SFTPD: variants seen among roughly 807,000 people sequenced by gnomAD.
SFTPD encodes pulmonary surfactant-associated protein D.
Under a neutral mutation model 34.6 loss-of-function variants are expected in SFTPD, and 18 were observed. That is an observed-to-expected ratio of 0.52 (90% confidence interval 0.36 to 0.77). SFTPD has a LOEUF of 0.77. Ranked by LOEUF, SFTPD falls within the 30% of genes least tolerant of loss-of-function variation. The pLI is 0.00. For missense variants in SFTPD, 433 were observed against 468.9 expected (o/e 0.92, Z 0.71); for synonymous variants, 155 against 180.9 (o/e 0.86, Z 1.15).
intron 2 of SFTPD, 55 bp from the exon 3 acceptor site, chr10:79,942,934 G>A (rs997087463): frequency 8.9e-7 from 1 of 1,123,768 alleles, no homozygotes; most frequent in Non-Finnish European, 1.4e-6. Flanking sequence ...GAAAGGGCCA[G>A]CCTCCTGCAG....
Position 79,955,449 on chromosome 10 carries a change from AAAACAAACAAAC to A in SFTPD, c.37-8799_37-8788del, listed in dbSNP as rs571260122. Among the ~76,000 whole-genome samples the A allele has an allele frequency of 2.6e-4, 39 of 152,276 alleles. No homozygotes were observed. The East Asian group carries it at 5.6e-3, about 22-fold the overall frequency. On this transcript the variant is annotated intron_variant, in intron 1 of 5. Coordinates refer to the SFTPD transcript ENST00000444384. Reference sequence around the variant, plus strand: ...TAGGGATCCTGAAGTAAAACAAAACAAAACAAACAAACAAACAAACAAAGAAAACCCTGCCAT... The same window carrying A: ...TAGGGATCCTGAAGTAAAACAAAACAAAACAAACAAAGAAAACCCTGCCAT...
Position 79,942,455 on chromosome 10 carries a change from G to C in SFTPD, c.366C>G (p.Pro122=). Reference sequence around the variant, plus strand: ...GTCCTATGTTCCCCTGCTTCCCCAGGGGACCTTCTCTTCCAGCTGGACCAG... The same window carrying C: ...GTCCTATGTTCCCCTGCTTCCCCAGCGGACCTTCTCTTCCAGCTGGACCAG... ...GVPGPAGREG[P]LGKQGNIGPQ... Residue 122 remains proline (P), a synonymous_variant, in exon 4 of 8, where the codon CCC becomes CCG. Coordinates refer to ENST00000372292, the MANE Select transcript of SFTPD (RefSeq NM_003019.5). The C allele has an allele frequency of 6.2e-7, 1 of 1,613,614 alleles. No individual in the cohort carries two copies. Among genetic ancestry groups the C allele is most frequent in the South Asian group, 1.1e-5 (1 of 91,078 alleles).
chr10:79,965,130 A>C (rs1842796331), intron 1 of SFTPD, among the ~76,000 whole-genome samples: 1 of 152,116 alleles, frequency 6.6e-6, no homozygotes, highest in Non-Finnish European at 1.5e-5. Flanking sequence ...CCAACTTAAA[A>C]AGGAGGACTC....
chr10:79,944,165 C>T (rs1409304082), intron 2 of SFTPD, among the ~76,000 whole-genome samples: 1 of 152,216 alleles, frequency 6.6e-6, no homozygotes, highest in Non-Finnish European at 1.5e-5. Context: ...ATTCCTCCAC[C>T]CCTTCCAGCT....
chr10:79,960,500 A>G (rs1564533565), intron 1 of SFTPD, among the ~76,000 whole-genome samples: 1 of 148,636 alleles, frequency 6.7e-6, no homozygotes, highest in Non-Finnish European at 1.5e-5. Context: ...ATACACCAAT[A>G]ACAGACAAAC....
rs1270443236 is a variant in SFTPD at position 79,938,154 on chromosome 10, C to T, written c.826G>A (p.Glu276Lys). The T allele has an allele frequency of 6.2e-7, 1 of 1,610,666 alleles. No individual in the cohort carries two copies. The highest frequency in any genetic ancestry group is 1.7e-5 in the Admixed American group (1 of 59,962). ...GCCTGTGTGCACAGCAGCTGTGCCTCCGTAAATGGTTTTACAAAGCCTGCT... is the reference window on the plus strand; with the variant it reads ...GCCTGTGTGCACAGCAGCTGTGCCTTCGTAAATGGTTTTACAAAGCCTGCT... ...KTAGFVKPFTEAQLLCTQAGG... is the reference protein window; with the variant it reads ...KTAGFVKPFTKAQLLCTQAGG... The change falls in exon 8 of 8, where the codon GAG becomes AAG. Residue 276 changes from glutamate (E) to lysine (K), a missense_variant. Physicochemically the swap from Glu to Lys is moderately conservative, Grantham distance 56. Transcript: ENST00000372292.
Position 79,937,752 on chromosome 10 carries a change from A to G in SFTPD, c.*100T>C. On this transcript the variant is annotated 3_prime_UTR_variant, in exon 8 of 8. Transcript: ENST00000372292. ...TGGAGAGAAGTCCTTCCCGGCACAGATGGTCACCTTTTTATTAGGATATTG... is the reference window on the plus strand; with the variant it reads ...TGGAGAGAAGTCCTTCCCGGCACAGGTGGTCACCTTTTTATTAGGATATTG... 7.7e-7 allele frequency: 1 copy of G among 1,300,116 alleles called. No homozygotes were observed. The highest frequency in any genetic ancestry group is 1.0e-6 in the Non-Finnish European group (1 of 956,736). 80.5% of individuals were successfully genotyped at this position (1,300,116 alleles called of 1,614,324 possible).
chr10:79,945,062 A>G (rs1440042795), intron 2 of SFTPD, among the ~76,000 whole-genome samples: 5 of 152,008 alleles, frequency 3.3e-5, no homozygotes, highest in Non-Finnish European at 7.4e-5. Flanking sequence ...GCCAGAGTGG[A>G]GCCTCATCCT....
intron 1 of SFTPD, among the ~76,000 whole-genome samples, chr10:79,978,891 G>C (rs1842876702): frequency 7.1e-6 from 1 of 139,978 alleles, no homozygotes; most frequent in South Asian, 2.1e-4. Context: ...CCAAATGAAA[G>C]AAAGAAAGAA....
rs185856848 is a variant in SFTPD at position 79,966,933 on chromosome 10, T to G, written c.36+15642A>C. On this transcript the variant is annotated intron_variant, in intron 1 of 5. Transcript: ENST00000444384. ...CTCTCACTGCTCCTATTCAACATAGTGTTGGACGTTCTGGCCAGGGCAATC... is the reference window on the plus strand; with the variant it reads ...CTCTCACTGCTCCTATTCAACATAGGGTTGGACGTTCTGGCCAGGGCAATC... Among the ~76,000 whole-genome samples, 247 of 147,478 alleles carry G rather than the reference T, an allele frequency of 1.7e-3. 10 individuals carry two copies. Among genetic ancestry groups the G allele is most frequent in the Admixed American group, 3.3e-3 (49 of 14,932 alleles).
chr10:79,971,881 C>G (rs1842836806), intron 1 of SFTPD: 1 of 152,082 alleles, frequency 6.6e-6, no homozygotes, highest in Admixed American at 6.5e-5. Context: ...GTCTATATCT[C>G]TTGCAAGACT....
Position 79,960,525 on chromosome 10 carries a change from T to C in SFTPD, c.37-13863A>G, listed in dbSNP as rs1282415232. Among the ~76,000 whole-genome samples the C allele has an allele frequency of 5.2e-3, 778 of 148,758 alleles. 6 individuals carry two copies. The highest frequency in any genetic ancestry group is 0.018 in the African/African-American group (732 of 40,048). ...AACAGACAAACAGAGAGCCAAATCA[T>C]GAGTGAACTCCCATTCACAATTGCT... is the stretch of plus-strand genomic sequence containing the variant. On this transcript the variant is annotated intron_variant, in intron 1 of 5. Coordinates refer to the SFTPD transcript ENST00000444384.
At chr10:79,973,864 C>T (rs1702960676) in intron 1 of SFTPD, among the ~76,000 whole-genome samples, 1 of 152,128 alleles carries the variant, frequency 6.6e-6, no homozygotes, top group Non-Finnish European at 1.5e-5. Flanking sequence ...ACTCTGGATG[C>T]ATTATGCCAA....
At chr10:79,956,011 A>C (rs1052867520) in intron 1 of SFTPD, among the ~76,000 whole-genome samples, 2 of 152,266 alleles carry the variant, frequency 1.3e-5, no homozygotes, top group South Asian at 2.1e-4. Context: ...AAGTAAAGAG[A>C]TACAACCATA....
intron 1 of SFTPD, among the ~76,000 whole-genome samples, chr10:79,955,603 T>A (rs961596049): frequency 1.3e-5 from 2 of 152,212 alleles, no homozygotes; most frequent in African/African-American, 4.8e-5. Context: ...GTGCTATCTG[T>A]TGTTGCAATC....
intron 1 of SFTPD, among the ~76,000 whole-genome samples, chr10:79,961,523 G>A (rs1446227505): frequency 6.6e-6 from 1 of 152,192 alleles, no homozygotes; most frequent in Non-Finnish European, 1.5e-5. Flanking sequence ...CATTTATGCA[G>A]TCAACAAACA....
At chr10:79,964,604 A>G (rs1842793362) in intron 1 of SFTPD, among the ~76,000 whole-genome samples, 1 of 152,160 alleles carries the variant, frequency 6.6e-6, no homozygotes, top group Non-Finnish European at 1.5e-5. Context: ...TCTTCCTTGT[A>G]GGTTACAAGC....
chr10:79,969,830 T>C (rs2265960), intron 1 of SFTPD: 7 of 152,008 alleles, frequency 4.6e-5, no homozygotes, highest in Admixed American at 3.9e-4. Context: ...TCTCCCATTC[T>C]GTAGGTTCTT....
intron 1 of SFTPD, among the ~76,000 whole-genome samples, chr10:79,964,053 G>C (rs571274979): frequency 6.6e-6 from 1 of 152,158 alleles, no homozygotes; most frequent in East Asian, 1.9e-4. Context: ...CTATGCTATA[G>C]TATCTTCCAC....
Sources: allele counts gnomAD v4.1 joint callset (sites outside exome capture counted in the v4.1 genomes callset), GRCh38; gene constraint gnomAD v4.1.1; transcripts MANE v1.5; gene names NCBI Gene and HGNC (gene_info 2026-07-23, HGNC 2026-07-21).